EPDR1: variants seen among roughly 807,000 people sequenced by gnomAD.
EPDR1 encodes mammalian ependymin-related protein 1.
Under a neutral mutation model 23.7 loss-of-function variants are expected in EPDR1, and 27 were observed. The ratio of observed to expected loss-of-function variants is 1.14; its 90% CI spans 0.84 to 1.57. EPDR1 has a LOEUF of 1.57. Among genes scored for constraint, EPDR1 ranks in the 40% most tolerant of loss-of-function variants. The pLI is 0.00. For synonymous variants in EPDR1, 137 were observed against 118.2 expected, an observed-to-expected ratio of 1.16 and a Z score of -1.03; for missense variants, 349 against 290.4, an observed-to-expected ratio of 1.20 and a Z score of -1.47.
chr7:37,950,211 A>G lies in EPDR1; in HGVS notation c.490A>G (p.Ile164Val). Reference protein sequence around the residue: ...RKSARSYETWIGIYTVKDCYP... With the variant: ...RKSARSYETWVGIYTVKDCYP... ...TTTTCCTCTTATAGATGAAACCTGG[A>G]TTGGCATCTATACAGTCAAGGATTG... is the stretch of plus-strand genomic sequence containing the variant. The change falls in exon 3 of 3, where the codon ATT becomes GTT. Residue 164 changes from isoleucine to valine, a missense_variant. Transcript: ENST00000199448. 1 of 1,599,718 alleles carries G rather than the reference A, an allele frequency of 6.3e-7. No homozygotes were observed. Among genetic ancestry groups the G allele is most frequent in the Non-Finnish European group, 8.5e-7 (1 of 1,169,636 alleles).
At chr7:37,936,029 T>TACACAC (rs1786043126) in intron 1 of EPDR1, among the ~76,000 whole-genome samples, 1 of 98,314 alleles carries the variant, frequency 1.0e-5, no homozygotes, top group Non-Finnish European at 2.1e-5. Flanking sequence ...TATATATATA[T>TACACAC]ATATATATAT....
chr7:37,933,485 G>A (rs981541394), intron 1 of EPDR1, among the ~76,000 whole-genome samples: 3 of 152,170 alleles, frequency 2.0e-5, no homozygotes, highest in East Asian at 1.9e-4. Flanking sequence ...GTTATGCTGT[G>A]AGCCTCATAT....
intron 1 of EPDR1, among the ~76,000 whole-genome samples, chr7:37,928,758 T>G (rs1033163367): frequency 2.6e-5 from 4 of 152,174 alleles, no homozygotes; most frequent in African/African-American, 9.7e-5. Flanking sequence ...TAGTGGACTC[T>G]CCCAGGGCTC....
chr7:37,923,623 A>G (rs529092385), intron 1 of EPDR1, among the ~76,000 whole-genome samples: 1 of 152,246 alleles, frequency 6.6e-6, no homozygotes, highest in South Asian at 2.1e-4. Flanking sequence ...GCTGAAGCAG[A>G]GGAGTGTGTC....
intron 1 of EPDR1, among the ~76,000 whole-genome samples, chr7:37,928,400 A>T (rs1050749794): frequency 1.4e-5 from 1 of 73,668 alleles, no homozygotes; most frequent in Non-Finnish European, 2.8e-5. Context: ...ATCTTTAAAT[A>T]AAAAAAAAAA....
intron 1 of EPDR1, among the ~76,000 whole-genome samples, chr7:37,941,445 T>A (rs1547446): frequency 0.34 from 51,568 of 152,126 alleles, 8,913 homozygotes; most frequent in South Asian, 0.46. Context: ...ACATCACCTG[T>A]CTTCAGATAT....
chr7:37,946,191 A>G (rs1375893593), intron 1 of EPDR1, among the ~76,000 whole-genome samples: 4 of 152,206 alleles, frequency 2.6e-5, no homozygotes, highest in Non-Finnish European at 5.9e-5. Context: ...TGCAATGAAC[A>G]CAGGTATGCA....
At chr7:37,938,184 G>A (rs1786097477) in intron 1 of EPDR1, among the ~76,000 whole-genome samples, 2 of 151,594 alleles carry the variant, frequency 1.3e-5, no homozygotes, top group African/African-American at 4.8e-5. Context: ...TGGAGATGGG[G>A]TTTCACCATG....
In EPDR1 at chr7:37,924,891, T is replaced by C. The variant is rs1785785520; in HGVS notation, c.269+3683T>C. On this transcript the variant is annotated intron_variant, in intron 1 of 2. Coordinates refer to ENST00000199448, the MANE Select transcript of EPDR1 (RefSeq NM_017549.5). ...TGTCTCTTCATATTTATGAGTAAGT[T>C]GAGAAGTAAGTTTTAGAATTGGATC... 2.0e-5 allele frequency among the ~76,000 whole-genome samples: 3 copies of C among 152,208 alleles called. No individual in the cohort carries two copies. In the South Asian group the frequency reaches 6.2e-4, roughly 32 times the overall value.
At chr7:37,944,894 C>T (rs772116423) in intron 1 of EPDR1, among the ~76,000 whole-genome samples, 1 of 152,150 alleles carries the variant, frequency 6.6e-6, no homozygotes, top group African/African-American at 2.4e-5. Flanking sequence ...CTCCAGGGAA[C>T]AACTATTGCA....
Position 37,950,456 on chromosome 7 carries a change from T to G in EPDR1, c.*60T>G. On this transcript the variant is annotated 3_prime_UTR_variant, in exon 3 of 3. Coordinates refer to ENST00000199448, the MANE Select transcript of EPDR1 (RefSeq NM_017549.5). ...AGCCCCCTGCGGCCCCAGCTGGAGA[T>G]GGATATGAGACTAGTCAAGATGTGA... 1 of 1,437,530 alleles carries G rather than the reference T, an allele frequency of 7.0e-7. No homozygotes were observed. Among genetic ancestry groups the G allele is most frequent in the Middle Eastern group, 1.9e-4 (1 of 5,234 alleles). The allele number at this position is 1,437,530 out of a possible 1,614,324, so 89.0% of individuals were successfully genotyped here.
At chr7:37,928,727 T>C (rs911166112) in intron 1 of EPDR1, among the ~76,000 whole-genome samples, 23 of 152,308 alleles carry the variant, frequency 1.5e-4, no homozygotes, top group Admixed American at 1.1e-3. Flanking sequence ...TTGCTCTTTC[T>C]GCTCTTCTCT....
At position 37,920,901 on chromosome 7, in the gene EPDR1, G is replaced by T; in HGVS notation, c.-39G>T. 6.2e-7 allele frequency: 1 copy of T among 1,611,288 alleles called. No individual in the cohort carries two copies. Among genetic ancestry groups the T allele is most frequent in the Non-Finnish European group, 8.5e-7 (1 of 1,179,244 alleles). On this transcript the variant is annotated 5_prime_UTR_variant, in exon 1 of 3. Coordinates refer to ENST00000199448, the MANE Select transcript of EPDR1 (RefSeq NM_017549.5). ...TCCCGGACGCCTCAGCGCCCCCTTGGGCTTGGGCTTGCCCTCGGGCCGGGG... is the reference window on the plus strand; with the variant it reads ...TCCCGGACGCCTCAGCGCCCCCTTGTGCTTGGGCTTGCCCTCGGGCCGGGG...
chr7:37,948,952 C>T lies in EPDR1; in HGVS notation c.382C>T (p.Pro128Ser). The T allele has an allele frequency of 6.2e-7, 1 of 1,614,150 alleles. No homozygotes were observed. The highest frequency in any genetic ancestry group is 8.5e-7 in the Non-Finnish European group (1 of 1,180,016). ...LTQPWDPLDIPQNSTFEDQYS... is the reference protein window; with the variant it reads ...LTQPWDPLDISQNSTFEDQYS... ...ACAGCCCTGGGATCCTCTTGACATT[C>T]CTCAAAACTCCACCTTTGAAGACCA... is the stretch of plus-strand genomic sequence containing the variant. Residue 128 changes from proline (P) to serine (S), a missense_variant, in exon 2 of 3, where the codon CCT (proline) becomes TCT (serine). Coordinates refer to ENST00000199448, the MANE Select transcript of EPDR1 (RefSeq NM_017549.5).
At position 37,945,248 on chromosome 7, in the gene EPDR1, G is replaced by A. The variant is rs201472042; in HGVS notation, c.270-3592G>A. On this transcript the variant is annotated intron_variant, in intron 1 of 2. Transcript: ENST00000199448. ...TTTTTCAAAGGGCTAACAGTTTTACGTTGACCCTGCATGCATATTATAAAA... is the reference window on the plus strand; with the variant it reads ...TTTTTCAAAGGGCTAACAGTTTTACATTGACCCTGCATGCATATTATAAAA... 2.2e-4 allele frequency among the ~76,000 whole-genome samples: 33 copies of A among 152,294 alleles called. No homozygotes were observed. In the East Asian group the frequency reaches 3.7e-3, roughly 17 times the overall value.
intron 1 of EPDR1, among the ~76,000 whole-genome samples, chr7:37,941,632 C>A (rs1786173769): frequency 6.6e-6 from 1 of 152,210 alleles, no homozygotes; most frequent in African/African-American, 2.4e-5. Context: ...TGTGGAATAT[C>A]TGCAAACCTG....
chr7:37,945,504 G>A (rs925267807), intron 1 of EPDR1, among the ~76,000 whole-genome samples: 3 of 152,096 alleles, frequency 2.0e-5, no homozygotes, highest in Non-Finnish European at 4.4e-5. Flanking sequence ...ATACAATGAT[G>A]TGCTTCATAA....
At chr7:37,922,459 GTAA>G (rs1785725588) in intron 1 of EPDR1, among the ~76,000 whole-genome samples, 1 of 152,286 alleles carries the variant, frequency 6.6e-6, no homozygotes, top group East Asian at 1.9e-4. Flanking sequence ...GAAGGGCACA[GTAA>G]TAATAATAAC....
chr7:37,926,407 G>A (rs1785813018), intron 1 of EPDR1, among the ~76,000 whole-genome samples: 1 of 136,538 alleles, frequency 7.3e-6, no homozygotes, highest in South Asian at 2.3e-4. Flanking sequence ...ATTAACACCA[G>A]TTCATTTTGA....
Sources: allele counts gnomAD v4.1 joint callset (sites outside exome capture counted in the v4.1 genomes callset), GRCh38; gene constraint gnomAD v4.1.1; transcripts MANE v1.5; gene names NCBI Gene and HGNC (gene_info 2026-07-23, HGNC 2026-07-21).